CLMP: variants seen among roughly 807,000 people sequenced by gnomAD.
CLMP encodes CXADR-like membrane protein.
A neutral mutation model predicts 45.2 loss-of-function variants in CLMP; 27 were observed. The observed-to-expected ratio is 0.60, with a 90% CI of 0.44 to 0.82. The LOEUF is 0.82. CLMP is among the 40% of genes least tolerant of loss of function. The probability of loss-of-function intolerance (pLI) is 0.00; values close to 1 mark genes in which losing one functional copy is unlikely to be tolerated. For synonymous variants in CLMP, 167 were observed against 171.4 expected (o/e 0.97, Z 0.20); for missense variants, 403 against 448.4 (o/e 0.90, Z 0.91).
chr11:123,087,381 C>T (rs1199181591), intron 2 of CLMP, among the ~76,000 whole-genome samples: 1 of 150,196 alleles, frequency 6.7e-6, no homozygotes, highest in Non-Finnish European at 1.5e-5. Flanking sequence ...TGGTGGTGTG[C>T]GCCTGTAAAC....
chr11:123,147,487 A>G, intron 1 of CLMP, among the ~76,000 whole-genome samples: 1 of 152,206 alleles, frequency 6.6e-6, no homozygotes, highest in East Asian at 1.9e-4. Flanking sequence ...CGTGTTGCCC[A>G]GATTGCTCTT....
intron 2 of CLMP, among the ~76,000 whole-genome samples, chr11:123,087,350 A>G (rs753804174): frequency 6.6e-6 from 1 of 151,588 alleles, no homozygotes; most frequent in Non-Finnish European, 1.5e-5. Context: ...AAAAAAAAAG[A>G]AAGAAAGAAA....
At chr11:123,152,069 CA>C (rs1229833901) in intron 1 of CLMP, among the ~76,000 whole-genome samples, 1 of 152,186 alleles carries the variant, frequency 6.6e-6, no homozygotes, top group Admixed American at 6.5e-5. Context: ...CTCTTCCCCT[CA>C]ATTTCCTATA....
intron 1 of CLMP, among the ~76,000 whole-genome samples, chr11:123,179,105 C>T (rs1476562874): frequency 6.6e-6 from 1 of 152,120 alleles, no homozygotes; most frequent in Non-Finnish European, 1.5e-5. Context: ...GTTTTTAAAA[C>T]ATCGCTTTAT....
rs2135480345 is a variant in CLMP, at chr11:123,097,693, A to T, written c.186+102T>A. ...CAAGTAGAAGCCAGATGAAAAAGGA[A>T]CTCCAGCTCTTTCAGAGCCAGAAAG... On this transcript the variant is annotated intron_variant, in intron 2 of 6. Coordinates refer to ENST00000448775, the MANE Select transcript of CLMP (RefSeq NM_024769.5). The T allele has an allele frequency of 4.5e-6, 4 of 893,430 alleles. No individual in the cohort carries two copies. In the East Asian group the frequency reaches 1.1e-4, roughly 24 times the overall value. The allele number at this position is 893,430 out of a possible 1,614,324, so 55.3% of individuals were successfully genotyped here. A position where few individuals can be genotyped will look rare whatever the true frequency, so the allele number is the denominator to read the frequency against.
intron 1 of CLMP, among the ~76,000 whole-genome samples, chr11:123,175,475 C>A (rs1861686677): frequency 6.6e-6 from 1 of 152,208 alleles, no homozygotes; most frequent in East Asian, 1.9e-4. Flanking sequence ...GTGGGGATTA[C>A]AAATTGAGAT....
At chr11:123,088,421 C>T (rs989668275) in intron 2 of CLMP, among the ~76,000 whole-genome samples, 1 of 152,120 alleles carries the variant, frequency 6.6e-6, no homozygotes, top group African/African-American at 2.4e-5. Flanking sequence ...TAATGTTTCT[C>T]TTTCTTTCTG....
intron 1 of CLMP, among the ~76,000 whole-genome samples, chr11:123,115,993 C>T (rs1366099869): frequency 2.6e-5 from 4 of 151,976 alleles, no homozygotes; most frequent in African/African-American, 9.7e-5. Flanking sequence ...GGGAGATTTA[C>T]TTCTAAACTC....
At chr11:123,184,974 G>A (rs539067786) in intron 1 of CLMP, among the ~76,000 whole-genome samples, 52 of 152,282 alleles carry the variant, frequency 3.4e-4, no homozygotes, top group Non-Finnish European at 5.9e-4. Flanking sequence ...CTAAAGGTGT[G>A]GACAAGGTGC....
chr11:123,087,167 G>A (rs1037721045), intron 2 of CLMP, among the ~76,000 whole-genome samples: 17 of 152,164 alleles, frequency 1.1e-4, no homozygotes, highest in South Asian at 4.2e-4. Flanking sequence ...GTGAAACCCC[G>A]TCTCTACTAA....
At chr11:123,190,688 G>A (rs76795657) in intron 1 of CLMP, among the ~76,000 whole-genome samples, 4,549 of 152,230 alleles carry the variant, frequency 0.03, 77 homozygotes, top group African/African-American at 0.045. Flanking sequence ...TTCCAGTTAC[G>A]TTGGCAAAAT....
Position 123,097,923 on chromosome 11 carries a change from G to A in CLMP, c.58C>T (p.His20Tyr). 5 of 1,590,266 alleles carry A rather than the reference G, an allele frequency of 3.1e-6. No individual in the cohort carries two copies. In the South Asian group the frequency reaches 5.7e-5, roughly 18 times the overall value. Residue 20 changes from histidine (H) to tyrosine (Y), a missense_variant, in exon 2 of 7, where the codon CAC (histidine) becomes TAC (tyrosine). Physicochemically the swap from His to Tyr is moderately conservative, Grantham distance 83 (BLOSUM62 2). Transcript: ENST00000448775. ...VSYYVGTLGTHTEIKRVAEEK... is the reference protein window; with the variant it reads ...VSYYVGTLGTYTEIKRVAEEK... ...TCTGCCACTCTCTTGATCTCAGTGT[G>A]AGTCCCCAAGGTTCCAACATAGTAG...
At chr11:123,088,984 T>C (rs1865896381) in intron 2 of CLMP, among the ~76,000 whole-genome samples, 1 of 152,186 alleles carries the variant, frequency 6.6e-6, no homozygotes, top group African/African-American at 2.4e-5. Context: ...AAATATATAT[T>C]TGAATTTGAA....
Position 123,073,418 on chromosome 11 carries a change from G to C in CLMP, c.*56C>G. On this transcript the variant is annotated 3_prime_UTR_variant, in exon 7 of 7. Transcript: ENST00000448775. ...CTGGTGACTTGAGCTCCAATGACGAGAAGAGTCCAAAGACCCTGACTCCTA... is the reference window on the plus strand; with the variant it reads ...CTGGTGACTTGAGCTCCAATGACGACAAGAGTCCAAAGACCCTGACTCCTA... 6.5e-7 allele frequency: 1 copy of C among 1,533,050 alleles called. No homozygotes were observed. Among genetic ancestry groups the C allele is most frequent in the Non-Finnish European group, 8.8e-7 (1 of 1,137,984 alleles). The allele number at this position is 1,533,050 out of a possible 1,614,324, so 95.0% of individuals were successfully genotyped here. A position where few individuals can be genotyped will look rare whatever the true frequency, so the allele number is the denominator to read the frequency against.
At chr11:123,114,935 C>T (rs1169856154) in intron 1 of CLMP, among the ~76,000 whole-genome samples, 2 of 152,094 alleles carry the variant, frequency 1.3e-5, no homozygotes, top group Non-Finnish European at 2.9e-5. Flanking sequence ...AGACCTATAC[C>T]CTGAACAGTA....
At chr11:123,137,656 C>T (rs1591473444) in intron 1 of CLMP, among the ~76,000 whole-genome samples, 1 of 152,010 alleles carries the variant, frequency 6.6e-6, no homozygotes, top group East Asian at 1.9e-4. Flanking sequence ...CCTGATATTT[C>T]CGGAATTTTA....
At chr11:123,128,884 A>G (rs1860940294) in intron 1 of CLMP, among the ~76,000 whole-genome samples, 2 of 152,096 alleles carry the variant, frequency 1.3e-5, no homozygotes, top group Non-Finnish European at 2.9e-5. Context: ...AACCCCATAC[A>G]ATAGGTATGA....
At chr11:123,097,771 G>A in intron 2 of CLMP, 24 bp downstream of exon 2, 1 of 1,527,458 alleles carries the variant, frequency 6.5e-7, no homozygotes, top group Non-Finnish European at 8.9e-7. Flanking sequence ...AAGGAGGAGG[G>A]ACTCCAGCCA....
intron 1 of CLMP, among the ~76,000 whole-genome samples, chr11:123,165,415 A>G (rs1861543312): frequency 6.6e-6 from 1 of 152,216 alleles, no homozygotes; most frequent in South Asian, 2.1e-4. Context: ...AGTGTATATG[A>G]AGTCCATGAT....
Sources: gnomAD v4.1 joint callset for allele counts (sites outside exome capture counted in the v4.1 genomes callset) on GRCh38, gnomAD v4.1.1 for gene constraint, MANE v1.5 for transcripts, NCBI Gene and HGNC (gene_info 2026-07-23, HGNC 2026-07-21) for gene names.